The following FAT3 variants were observed in gnomAD, a reference collection of about 807,000 sequenced individuals.
FAT3 encodes FAT atypical cadherin 3, also known as protocadherin Fat 3.
In FAT3, 95 loss-of-function variants were observed where a neutral mutation model predicts 310.2. The ratio of observed to expected loss-of-function variants is 0.31; its 90% CI spans 0.26 to 0.36. FAT3 has a LOEUF of 0.36. Ranked by LOEUF, FAT3 falls within the 10% of genes least tolerant of loss-of-function variation. The pLI is 1.00. For synonymous variants in FAT3, 2,314 were observed against 2,192.9 expected, an observed-to-expected ratio of 1.06 and a Z score of -1.54; for missense variants, 5,408 against 5,715.6, an observed-to-expected ratio of 0.95 and a Z score of 1.74.
At chr11:92,595,510 G>A (rs1939659692) in intron 3 of FAT3, among the ~76,000 whole-genome samples, 1 of 152,130 alleles carries the variant, frequency 6.6e-6, no homozygotes, top group Non-Finnish European at 1.5e-5. Context: ...GAACATTATG[G>A]TAGTACTTCC....
chr11:92,359,952 G>A (rs1192098864), intron 2 of FAT3, among the ~76,000 whole-genome samples: 2 of 147,366 alleles, frequency 1.4e-5, no homozygotes, highest in Admixed American at 1.4e-4. Flanking sequence ...GTGTGCATGT[G>A]TCTTTATAGC....
chr11:92,432,467 ATGTTC>A (rs1950812451), intron 2 of FAT3, among the ~76,000 whole-genome samples: 2 of 151,998 alleles, frequency 1.3e-5, no homozygotes, highest in South Asian at 2.1e-4. Context: ...CTTTTTGTTG[ATGTTC>A]ATGCTATAGC....
At chr11:92,351,717 T>G (rs1241802224) in intron 1 of FAT3, among the ~76,000 whole-genome samples, 3 of 152,202 alleles carry the variant, frequency 2.0e-5, no homozygotes, top group African/African-American at 7.2e-5. Context: ...TCTAAATGTT[T>G]CTATAGGATA....
intron 13 of FAT3, among the ~76,000 whole-genome samples, chr11:92,822,283 T>C (rs922649757): frequency 6.6e-6 from 1 of 151,696 alleles, no homozygotes; most frequent in Admixed American, 6.6e-5. Flanking sequence ...CCCTCACTCA[T>C]GTGCTACCTC....
At chr11:92,434,563 T>G (rs1950883310) in intron 2 of FAT3, among the ~76,000 whole-genome samples, 2 of 152,080 alleles carry the variant, frequency 1.3e-5, no homozygotes, top group African/African-American at 4.8e-5. Flanking sequence ...CACCTGACAT[T>G]TTCCAGTCTA....
intron 2 of FAT3, among the ~76,000 whole-genome samples, chr11:92,358,342 A>G (rs1239865001): frequency 6.6e-6 from 1 of 152,184 alleles, no homozygotes; most frequent in East Asian, 1.9e-4. Context: ...CATAGGCTTT[A>G]AAGGATATAA....
chr11:92,280,406 A>G (rs1363689479), intron 1 of FAT3, among the ~76,000 whole-genome samples: 2 of 152,226 alleles, frequency 1.3e-5, no homozygotes, highest in Non-Finnish European at 2.9e-5. Context: ...GGAAATTGAC[A>G]TTTAAGAAAT....
chr11:92,496,156 G>T (rs7929506), intron 2 of FAT3, among the ~76,000 whole-genome samples: 2 of 151,914 alleles, frequency 1.3e-5, no homozygotes, highest in African/African-American at 4.8e-5. Flanking sequence ...CTTACCTACC[G>T]AATGGACAAT....
chr11:92,488,423 G>A (rs1952491891), intron 2 of FAT3, among the ~76,000 whole-genome samples: 1 of 98,178 alleles, frequency 1.0e-5, no homozygotes. Flanking sequence ...GTAGCAATTT[G>A]TTACACAGAA....
chr11:92,593,577 T>G (rs1939548819), intron 3 of FAT3, among the ~76,000 whole-genome samples: 1 of 152,120 alleles, frequency 6.6e-6, no homozygotes, highest in African/African-American at 2.4e-5. Flanking sequence ...GTCAGTTGGC[T>G]GGTCAATAAT....
chr11:92,555,222 C>T (rs780814711), intron 3 of FAT3, among the ~76,000 whole-genome samples: 6 of 152,092 alleles, frequency 3.9e-5, no homozygotes, highest in African/African-American at 1.2e-4. Context: ...GATGATGCTG[C>T]GATTCTGTGA....
rs192591858 is a variant in FAT3, at chr11:92,827,611, G to A, written c.9482-4011G>A. ...AACTGACTTTTATGTACAGTCCCAC[G>A]TCCAAAAAGTCCAACTTTCCATTTG... On this transcript the variant is annotated intron_variant, in intron 13 of 27. Coordinates refer to ENST00000525166, the MANE Select transcript of FAT3 (RefSeq NM_001367949.2). Among the ~76,000 whole-genome samples, 13 of 152,142 alleles carry A rather than the reference G, an allele frequency of 8.5e-5. No homozygotes were observed. The East Asian group carries it at 9.7e-4, about 11-fold the overall frequency.
chr11:92,571,607 T>C (rs932196649), intron 3 of FAT3, among the ~76,000 whole-genome samples: 2 of 152,240 alleles, frequency 1.3e-5, no homozygotes, highest in Non-Finnish European at 2.9e-5. Flanking sequence ...TGGCCTAAAA[T>C]TTGGGTATGT....
At chr11:92,398,787 T>A (rs1949946380) in intron 2 of FAT3, among the ~76,000 whole-genome samples, 2 of 152,210 alleles carry the variant, frequency 1.3e-5, no homozygotes. Flanking sequence ...ATTCCATTAT[T>A]TTGTTTAGAC....
At position 92,681,946 on chromosome 11, in the gene FAT3, A is replaced by G. The variant is rs982869343; in HGVS notation, c.3608-15438A>G. Among the ~76,000 whole-genome samples the G allele has an allele frequency of 5.6e-4, 86 of 152,350 alleles. 1 individual carries two copies. Among genetic ancestry groups the G allele is most frequent in the African/African-American group, 2.0e-3 (82 of 41,578 alleles). On this transcript the variant is annotated intron_variant, in intron 3 of 27. Transcript: ENST00000525166. Reference sequence around the variant, plus strand: ...TGAATGAAAGAATGAGACAGAATAGAAATAAAGTGTGAAAATGGGGAAACC... The same window carrying G: ...TGAATGAAAGAATGAGACAGAATAGGAATAAAGTGTGAAAATGGGGAAACC...
At chr11:92,668,838 T>A (rs1943039503) in intron 3 of FAT3, among the ~76,000 whole-genome samples, 2 of 152,198 alleles carry the variant, frequency 1.3e-5, no homozygotes, top group Non-Finnish European at 2.9e-5. Context: ...TAATATTCTG[T>A]GGTGCCACTT....
chr11:92,436,334 G>T (rs1053015815), intron 2 of FAT3, among the ~76,000 whole-genome samples: 1 of 151,928 alleles, frequency 6.6e-6, no homozygotes, highest in African/African-American at 2.4e-5. Context: ...TAGGGACAGG[G>T]TTTTGCTATG....
chr11:92,526,388 A>T (rs1273391427), intron 3 of FAT3, among the ~76,000 whole-genome samples: 1 of 152,208 alleles, frequency 6.6e-6, no homozygotes, highest in African/African-American at 2.4e-5. Flanking sequence ...TTGAGGCCAC[A>T]GGTATCTTCA....
At chr11:92,279,699 C>T (rs1391377297) in intron 1 of FAT3, among the ~76,000 whole-genome samples, 1 of 152,138 alleles carries the variant, frequency 6.6e-6, no homozygotes, top group Non-Finnish European at 1.5e-5. Context: ...GAGAACATCT[C>T]AAGTTCTTTC....
Sources: allele counts gnomAD v4.1 joint callset (sites outside exome capture counted in the v4.1 genomes callset), GRCh38; gene constraint gnomAD v4.1.1; transcripts MANE v1.5; gene names NCBI Gene and HGNC (gene_info 2026-07-23, HGNC 2026-07-21).